The following CCNDBP1 variants were observed in gnomAD, a reference collection of about 807,000 sequenced individuals.
CCNDBP1 encodes the protein cyclin D1 binding protein 1, also known as cyclin-D1-binding protein 1.
A neutral mutation model predicts 46.2 loss-of-function variants in CCNDBP1; 45 were observed. That is an observed-to-expected ratio of 0.97 (90% CI 0.77 to 1.25). The LOEUF is 1.25. Ranked by LOEUF, CCNDBP1 falls within the 50% of genes most tolerant of loss-of-function variation. CCNDBP1 has a pLI of 0.00. For synonymous variants in CCNDBP1, 154 were observed against 163.6 expected, an observed-to-expected ratio of 0.94 and a Z score of 0.45; for missense variants, 436 against 442.1, an observed-to-expected ratio of 0.99 and a Z score of 0.12.
rs767550610 is a variant in CCNDBP1 at position 43,194,878 on chromosome 15, C to T, written c.*37C>T. ...CATTTGTACTCTCTTCCCCTCTCAT[C>T]GTCATGGTCAGGCTCTGATACCTGC... On this transcript the variant is annotated 3_prime_UTR_variant, in exon 11 of 11. Coordinates refer to ENST00000300213, the MANE Select transcript of CCNDBP1 (RefSeq NM_012142.5). The T allele has an allele frequency of 3.0e-6, 4 of 1,314,106 alleles. No homozygotes were observed. Among genetic ancestry groups the T allele is most frequent in the African/African-American group, 1.4e-5 (1 of 69,036 alleles). 81.4% of individuals were successfully genotyped at this position (1,314,106 alleles called of 1,614,324 possible). A position where few individuals can be genotyped will look rare whatever the true frequency, so the allele number is the denominator to read the frequency against.
rs756874511 is a variant in CCNDBP1, at chr15:43,190,419, G to T, written c.502+21G>T. ...AAGAGGTGAGTGAAAGTGGGCAGTG[G>T]GCCATGTCTGCTGGCCAAAGCAAAG... On this transcript the variant is annotated intron_variant, in intron 6 of 10. Transcript: ENST00000300213. The T allele has an allele frequency of 2.5e-6, 4 of 1,608,888 alleles. No individual in the cohort carries two copies. The South Asian group carries it at 4.4e-5, about 18-fold the overall frequency.
rs143142653 is a variant in CCNDBP1, at chr15:43,191,523, C to T, written c.708C>T (p.Asp236=). 19 of 1,613,868 alleles carry T rather than the reference C, an allele frequency of 1.2e-5. No homozygotes were observed. Among genetic ancestry groups the T allele is most frequent in the Middle Eastern group, 1.6e-4 (1 of 6,084 alleles). Residue 236 remains aspartate (D), a synonymous_variant, in exon 8 of 11, where the codon GAC becomes GAT. Transcript: ENST00000300213. Reference sequence around the variant, plus strand: ...ATCAGGACTTGTATTGGTCAGAGGACGATCAAGAGCTCATAATCCCATGCC... The same window carrying T: ...ATCAGGACTTGTATTGGTCAGAGGATGATCAAGAGCTCATAATCCCATGCC... The part of the protein sequence containing the change: ...PSNQDLYWSE[D]DQELIIPCLA...
In CCNDBP1 at chr15:43,191,678, A is replaced by G; in HGVS notation, c.860+3A>G. 6.3e-7 allele frequency: 1 copy of G among 1,599,358 alleles called. No individual in the cohort carries two copies. The highest frequency in any genetic ancestry group is 8.5e-7 in the Non-Finnish European group (1 of 1,177,914). ...ATTTCTGATGAAATCAGCCCTAGGT[A>G]AGCGGGATCCCCACTTGAAACATCT... is the stretch of plus-strand genomic sequence containing the variant. On this transcript the variant is annotated splice_donor_region_variant and intron_variant, in intron 8 of 10. Transcript: ENST00000300213.
At chr15:43,193,202 A>G in intron 9 of CCNDBP1, 1 of 181,112 alleles carries the variant, frequency 5.5e-6, no homozygotes, top group South Asian at 1.2e-4. Context: ...GCCGGGCATC[A>G]TGCACCTATA....
intron 8 of CCNDBP1, among the ~76,000 whole-genome samples, chr15:43,192,538 C>G (rs1319222004): frequency 6.6e-6 from 1 of 152,102 alleles, no homozygotes; most frequent in African/African-American, 2.4e-5. Flanking sequence ...AGGGAATTTC[C>G]CCCCCAGCTT....
At chr15:43,193,150 C>A in intron 9 of CCNDBP1, 1 of 229,422 alleles carries the variant, frequency 4.4e-6, no homozygotes, top group Non-Finnish European at 8.6e-6. Context: ...CCAGCCTGGC[C>A]AACATGGCGA....
rs779876981 is a variant in CCNDBP1, at chr15:43,194,867, TCCCC to T, written c.*27_*30del. The T allele has an allele frequency of 2.9e-6, 4 of 1,379,208 alleles. No homozygotes were observed. In the South Asian group the frequency reaches 4.6e-5, roughly 16 times the overall value. The allele number at this position is 1,379,208 out of a possible 1,614,324, so 85.4% of individuals were successfully genotyped here. A position where few individuals can be genotyped will look rare whatever the true frequency, so the allele number is the denominator to read the frequency against. ...CTTTTCAGGCTCATTTGTACTCTCTTCCCCTCTCATCGTCATGGTCAGGCTCTGA... is the reference window on the plus strand; with the variant it reads ...CTTTTCAGGCTCATTTGTACTCTCTTTCTCATCGTCATGGTCAGGCTCTGA... On this transcript the variant is annotated 3_prime_UTR_variant, in exon 11 of 11. Transcript: ENST00000300213.
chr15:43,189,105 G>GAAAA (rs1182520390), intron 3 of CCNDBP1, 94 bp from the exon 4 acceptor site: 27 of 237,962 alleles, frequency 1.1e-4, no homozygotes, highest in South Asian at 5.7e-4. Context: ...AAAAAAAAAA[G>GAAAA]AAAAAGAAAG....
Position 43,194,419 on chromosome 15 carries a change from C to T in CCNDBP1, c.926C>T (p.Ala309Val), listed in dbSNP as rs115573144. 38 of 1,603,408 alleles carry T rather than the reference C, an allele frequency of 2.4e-5. No individual in the cohort carries two copies. Among genetic ancestry groups the T allele is most frequent in the South Asian group, 2.0e-4 (18 of 89,026 alleles). Reference sequence around the variant, plus strand: ...ACTTCTGTGTTTCTTTTCTAGTCTGCGAAACTTGTATCTGTTTTAAAGAAG... The same window carrying T: ...ACTTCTGTGTTTCTTTTCTAGTCTGTGAAACTTGTATCTGTTTTAAAGAAG... ...MCHLTVRINS[A>V]KLVSVLKKAL... is the part of the protein sequence containing the mutation. Residue 309 changes from alanine (A) to valine (V), a missense_variant, in exon 10 of 11, where the codon GCG becomes GTG. Physicochemically the swap from Ala to Val is moderately conservative, Grantham distance 64. Coordinates refer to ENST00000300213, the MANE Select transcript of CCNDBP1 (RefSeq NM_012142.5).
chr15:43,193,164 C>T (rs2041984710), intron 9 of CCNDBP1: 1 of 212,258 alleles, frequency 4.7e-6, no homozygotes, highest in African/African-American at 2.3e-5. Flanking sequence ...ATGGCGAAAC[C>T]TTGTCTCTAC....
At position 43,194,862 on chromosome 15, in the gene CCNDBP1, T is replaced by G. The variant is rs369125848; in HGVS notation, c.*21T>G. 9.4e-6 allele frequency: 13 copies of G among 1,388,976 alleles called. No homozygotes were observed. In the East Asian group the frequency reaches 1.4e-4, roughly 15 times the overall value. The allele number at this position is 1,388,976 out of a possible 1,614,324, so 86.0% of individuals were successfully genotyped here. A position where few individuals can be genotyped will look rare whatever the true frequency, so the allele number is the denominator to read the frequency against. On this transcript the variant is annotated 3_prime_UTR_variant, in exon 11 of 11. Transcript: ENST00000300213. Reference sequence around the variant, plus strand: ...TATGACTTTTCAGGCTCATTTGTACTCTCTTCCCCTCTCATCGTCATGGTC... The same window carrying G: ...TATGACTTTTCAGGCTCATTTGTACGCTCTTCCCCTCTCATCGTCATGGTC...
rs377014521 is a variant in CCNDBP1 at position 43,190,209 on chromosome 15, A to G, written c.428+58A>G. 3.1e-6 allele frequency: 5 copies of G among 1,597,376 alleles called. No homozygotes were observed. In the East Asian group the frequency reaches 6.7e-5, roughly 21 times the overall value. On this transcript the variant is annotated intron_variant, in intron 5 of 10. Transcript: ENST00000300213. The stretch of plus-strand genomic sequence containing the variant: ...TGGGGTTCCTTGCCTCAGAGGGGAA[A>G]AGCTCATTTTAACAGCAAAGTTACT...
intron 10 of CCNDBP1, 37 bp from the exon 11 acceptor site, chr15:43,194,690 A>G: frequency 1.4e-6 from 2 of 1,477,902 alleles, no homozygotes; most frequent in Non-Finnish European, 9.4e-7. Context: ...TGACATCCTA[A>G]TAAGTTTAAC....
intron 9 of CCNDBP1, among the ~76,000 whole-genome samples, chr15:43,193,587 T>C (rs1166472816): frequency 6.6e-6 from 1 of 152,204 alleles, no homozygotes; most frequent in Non-Finnish European, 1.5e-5. Context: ...GATTTAACTA[T>C]GGAGAGTCAA....
At chr15:43,190,515 ATATTT>A in intron 6 of CCNDBP1, 117 bp downstream of exon 6, 1 of 690,628 alleles carries the variant, frequency 1.4e-6, no homozygotes, top group Non-Finnish European at 2.4e-6. Context: ...TGAAATATAT[ATATTT>A]TATTAATGAA....
intron 9 of CCNDBP1, chr15:43,194,148 C>T: frequency 7.3e-6 from 2 of 273,118 alleles, no homozygotes; most frequent in South Asian, 3.2e-5. Context: ...GTTACATTTT[C>T]CTTTTTCTGT....
At position 43,186,750 on chromosome 15, in the gene CCNDBP1, C is replaced by T. The variant is rs139200620; in HGVS notation, c.249+517C>T. On this transcript the variant is annotated intron_variant, in intron 3 of 10. Transcript: ENST00000300213. ...AAGTGTGTTAAGTTTACCTTTCCACCCACTTTCTCATTTTTGTCTCCCCCA... is the reference window on the plus strand; with the variant it reads ...AAGTGTGTTAAGTTTACCTTTCCACTCACTTTCTCATTTTTGTCTCCCCCA... Among the ~76,000 whole-genome samples the T allele has an allele frequency of 7.9e-5, 12 of 152,246 alleles. No individual in the cohort carries two copies. In the East Asian group the frequency reaches 2.1e-3, roughly 27 times the overall value.
intron 3 of CCNDBP1, 37 bp downstream of exon 3, chr15:43,186,270 G>GT (rs768775602): frequency 6.8e-5 from 103 of 1,523,780 alleles, no homozygotes; most frequent in Non-Finnish European, 8.5e-5. Flanking sequence ...GGGCTGCCGA[G>GT]TTACACCTTA....
chr15:43,190,467 C>T (rs182439182), intron 6 of CCNDBP1, 69 bp downstream of exon 6: 14 of 1,172,732 alleles, frequency 1.2e-5, no homozygotes, highest in Non-Finnish European at 1.8e-5. Context: ...TAGCTTCCAG[C>T]TTTGTAACAT....
Sources: gnomAD v4.1 joint callset for allele counts (sites outside exome capture counted in the v4.1 genomes callset) on GRCh38, gnomAD v4.1.1 for gene constraint, MANE v1.5 for transcripts, NCBI Gene and HGNC (gene_info 2026-07-23, HGNC 2026-07-21) for gene names.